The following RASA3 variants were observed in gnomAD, a reference collection of about 807,000 sequenced individuals.
RASA3 encodes RAS p21 protein activator 3, also known as ras GTPase-activating protein 3.
A neutral mutation model predicts 110.0 loss-of-function variants in RASA3; 73 were observed. The ratio of observed to expected loss-of-function variants is 0.66; its 90% confidence interval spans 0.55 to 0.81. The LOEUF is 0.81. Ranked by LOEUF, RASA3 falls within the 30% of genes least tolerant of loss-of-function variation. The pLI is 0.00. For missense variants in RASA3, 976 were observed against 1,113.2 expected (o/e 0.88, Z 1.75); for synonymous variants, 500 against 451.4 (o/e 1.11, Z -1.37).
Position 114,007,611 on chromosome 13 carries a change from A to C in RASA3, c.1669-5T>G. ...GGACGAAATCAGATCCAAGAACTAA[A>C]GTTGGAAGAAATCAGGTCACCGGGA... On this transcript the variant is annotated splice_polypyrimidine_tract_variant and splice_region_variant and intron_variant, in intron 17 of 23. Coordinates refer to ENST00000334062, the MANE Select transcript of RASA3 (RefSeq NM_007368.4). 6.2e-7 allele frequency: 1 copy of C among 1,609,936 alleles called. No homozygotes were observed. The highest frequency in any genetic ancestry group is 8.5e-7 in the Non-Finnish European group (1 of 1,176,904).
At chr13:114,077,865 A>G (rs2079718449) in intron 1 of RASA3, 4 of 984,024 alleles carry the variant, frequency 4.1e-6, no homozygotes, top group Non-Finnish European at 4.8e-6. Flanking sequence ...TACTTTTGCT[A>G]TGATGCATTT....
At chr13:114,126,158 C>A (rs1055035018) in intron 1 of RASA3, among the ~76,000 whole-genome samples, 3 of 133,940 alleles carry the variant, frequency 2.2e-5, no homozygotes, top group African/African-American at 8.3e-5. Context: ...TCCAGAGGTA[C>A]CGGCACCTGC....
chr13:114,128,894 G>A (rs542472934), intron 1 of RASA3, among the ~76,000 whole-genome samples: 46 of 152,154 alleles, frequency 3.0e-4, no homozygotes, highest in African/African-American at 1.0e-3. Context: ...ACCGCGGTGC[G>A]AGAGCCTTTC....
At chr13:114,099,252 A>G (rs1208404177) in intron 1 of RASA3, among the ~76,000 whole-genome samples, 1 of 152,008 alleles carries the variant, frequency 6.6e-6, no homozygotes, top group East Asian at 1.9e-4. Context: ...TCAGAGCCAG[A>G]AGCACAGCAG....
At chr13:114,105,217 G>A (rs917013669) in intron 1 of RASA3, among the ~76,000 whole-genome samples, 3 of 152,042 alleles carry the variant, frequency 2.0e-5, no homozygotes, top group Admixed American at 6.5e-5. Flanking sequence ...CTGGGAGGAC[G>A]ACCCCCACGC....
intron 1 of RASA3, among the ~76,000 whole-genome samples, chr13:114,101,150 G>A (rs535221032): frequency 1.1e-4 from 16 of 152,232 alleles, no homozygotes; most frequent in East Asian, 3.9e-4. Context: ...CCCGGCCAAC[G>A]GCAGCCACCA....
At chr13:114,040,126 T>G (rs936090407) in intron 4 of RASA3, among the ~76,000 whole-genome samples, 1 of 152,224 alleles carries the variant, frequency 6.6e-6, no homozygotes, top group African/African-American at 2.4e-5. Context: ...TCCTCAGTTG[T>G]GCATGACAAA....
intron 1 of RASA3, among the ~76,000 whole-genome samples, chr13:114,117,484 G>C (rs1245929079): frequency 1.4e-5 from 2 of 138,690 alleles, no homozygotes; most frequent in African/African-American, 5.5e-5. Flanking sequence ...CTGTGGGTGA[G>C]CACGTGCGTG....
At chr13:114,036,767 C>T (rs1444408781) in intron 4 of RASA3, among the ~76,000 whole-genome samples, 1 of 152,160 alleles carries the variant, frequency 6.6e-6, no homozygotes, top group African/African-American at 2.4e-5. Context: ...AAACACCTGA[C>T]CTCAGGTGAT....
chr13:114,106,868 A>G (rs1490402771), intron 1 of RASA3, among the ~76,000 whole-genome samples: 1 of 152,254 alleles, frequency 6.6e-6, no homozygotes, highest in Non-Finnish European at 1.5e-5. Flanking sequence ...TTTAAAATTA[A>G]AAGTCTTATA....
At chr13:113,996,366 G>A (rs1404565647) in intron 21 of RASA3, among the ~76,000 whole-genome samples, 165 bp downstream of exon 21, 3 of 152,270 alleles carry the variant, frequency 2.0e-5, no homozygotes, top group Non-Finnish European at 2.9e-5. Context: ...ATGCTCCCTC[G>A]AGGGAGGACC....
chr13:114,065,756 C>T lies in RASA3; in HGVS notation c.173+7964G>A, dbSNP rs750952686. On this transcript the variant is annotated intron_variant, in intron 2 of 23. Coordinates refer to ENST00000334062, the MANE Select transcript of RASA3 (RefSeq NM_007368.4). The surrounding 1 kb of genome is among the most constrained non-coding windows in gnomAD (Gnocchi z 4.1). ...GGTCAGAGGCTGGAGGGCAGGGGTC[C>T]GTGGTCAGCTCACAGCCCACTCACC... 1.3e-5 allele frequency among the ~76,000 whole-genome samples: 2 copies of T among 152,180 alleles called. No individual in the cohort carries two copies. The highest frequency in any genetic ancestry group is 2.9e-5 in the Non-Finnish European group (2 of 68,032).
At chr13:114,071,261 G>A (rs987800030) in intron 2 of RASA3, among the ~76,000 whole-genome samples, 2 of 152,178 alleles carry the variant, frequency 1.3e-5, no homozygotes, top group Non-Finnish European at 2.9e-5. Flanking sequence ...GGGATTACAG[G>A]TGTGAGCCAC....
intron 1 of RASA3, among the ~76,000 whole-genome samples, chr13:114,091,351 G>A (rs2079887895): frequency 6.6e-6 from 1 of 151,934 alleles, no homozygotes; most frequent in African/African-American, 2.4e-5. Context: ...GTTAGCTATG[G>A]TTTTGTCATC....
At chr13:114,095,610 G>A (rs2139718785) in intron 1 of RASA3, among the ~76,000 whole-genome samples, 1 of 152,196 alleles carries the variant, frequency 6.6e-6, no homozygotes, top group South Asian at 2.1e-4. Context: ...TTTATGTCAT[G>A]CACACACCTT....
chr13:113,996,227 A>G (rs2053253833), intron 21 of RASA3, among the ~76,000 whole-genome samples: 1 of 152,154 alleles, frequency 6.6e-6, no homozygotes, highest in African/African-American at 2.4e-5. Flanking sequence ...GAGAAGCAGG[A>G]TGGCCACGGC....
rs1460957336 is a variant in RASA3 at position 113,999,686 on chromosome 13, G to A, written c.1850-19C>T. ...TGGTCCCCTGCAGCAGAGATGGACT[G>A]TCAGTGGGTGCGGGCCCCGCTGTCC... is the stretch of plus-strand genomic sequence containing the variant. On this transcript the variant is annotated intron_variant, in intron 19 of 23. Coordinates refer to ENST00000334062, the MANE Select transcript of RASA3 (RefSeq NM_007368.4). 4 of 1,607,666 alleles carry A rather than the reference G, an allele frequency of 2.5e-6. No individual in the cohort carries two copies. The highest frequency in any genetic ancestry group is 3.3e-5 in the Admixed American group (2 of 59,838).
chr13:114,089,257 G>GGAGGGGAGACGAGGGGAGAC (rs779531905), intron 1 of RASA3, among the ~76,000 whole-genome samples: 2 of 149,284 alleles, frequency 1.3e-5, no homozygotes, highest in African/African-American at 2.5e-5. Flanking sequence ...GGAGGAGAGA[G>GGAGGGGAGACGAGGGGAGAC]GAGGGGAGAC....
rs775981786 is a variant in RASA3, at chr13:113,979,342, A to G, written c.*5T>C. ...GCTGGCGCCACTGGGCGCGTCCCGC[A>G]GACTTTAAATGGAATGAGTGGAGGT... is the stretch of plus-strand genomic sequence containing the variant. On this transcript the variant is annotated 3_prime_UTR_variant, in exon 24 of 24. Coordinates refer to ENST00000334062, the MANE Select transcript of RASA3 (RefSeq NM_007368.4). 29 of 1,587,534 alleles carry G rather than the reference A, an allele frequency of 1.8e-5. No individual in the cohort carries two copies. Among genetic ancestry groups the G allele is most frequent in the Non-Finnish European group, 2.5e-5 (29 of 1,156,098 alleles).
Sources: allele counts gnomAD v4.1 joint callset (sites outside exome capture counted in the v4.1 genomes callset), GRCh38; gene constraint gnomAD v4.1.1; non-coding constraint Gnocchi (gnomAD v3.1); transcripts MANE v1.5; gene names NCBI Gene and HGNC (gene_info 2026-07-23, HGNC 2026-07-21).